The following TENM1 variants were observed in gnomAD, a reference collection of about 807,000 sequenced individuals.
TENM1 encodes teneurin transmembrane protein 1.
A neutral mutation model predicts 174.8 loss-of-function variants in TENM1; 35 were observed. The observed-to-expected ratio is 0.20, with a 90% CI of 0.15 to 0.27. The LOEUF is 0.27. Ranked by LOEUF, TENM1 falls within the 10% of genes least tolerant of loss-of-function variation. The pLI, the probability that TENM1 is intolerant of heterozygous loss-of-function variation, is 1.00. For synonymous variants in TENM1, 781 were observed against 798.7 expected, an observed-to-expected ratio of 0.98 and a Z score of 0.37; for missense variants, 1,633 against 2,130.1, an observed-to-expected ratio of 0.77 and a Z score of 4.59.
the TENM1 span, among the ~76,000 whole-genome samples, chrX:125,067,554 A>T: frequency 8.9e-6 from 1 of 111,894 alleles, no homozygotes; most frequent in African/African-American, 3.2e-5. Flanking sequence ...CTTGGGTTCC[A>T]GTTGACCTAT....
intron 11 of TENM1, among the ~76,000 whole-genome samples, chrX:124,583,144 AC>A (rs1409596616): frequency 9.0e-6 from 1 of 111,442 alleles, no homozygotes; most frequent in African/African-American, 3.3e-5. Context: ...ACCTCTGCAG[AC>A]TTAAATGTCC....
chrX:124,427,221 C>T (rs2060729117), intron 23 of TENM1, among the ~76,000 whole-genome samples: 1 of 112,349 alleles, frequency 8.9e-6, no homozygotes, highest in Admixed American at 9.4e-5. Flanking sequence ...GGACAGCACA[C>T]ACCTGGCAGA....
chrX:125,168,031 G>C, the TENM1 span, among the ~76,000 whole-genome samples: 3 of 111,895 alleles, frequency 2.7e-5, no homozygotes, highest in Non-Finnish European at 3.8e-5. Flanking sequence ...GTATGTGTGT[G>C]TGTGTCTGTC....
chrX:125,076,376 T>C, the TENM1 span, among the ~76,000 whole-genome samples: 4 of 111,879 alleles, frequency 3.6e-5, no homozygotes, highest in Non-Finnish European at 5.6e-5. Flanking sequence ...ATGGTAAATA[T>C]CATGGCTTCC....
chrX:124,973,815 G>A, the TENM1 span, among the ~76,000 whole-genome samples: 1 of 111,724 alleles, frequency 9.0e-6, no homozygotes, highest in African/African-American at 3.3e-5. Context: ...GCAGGGACAT[G>A]GATGAAGCTG....
intron 11 of TENM1, among the ~76,000 whole-genome samples, chrX:124,577,329 T>A (rs769671722): frequency 9.0e-6 from 1 of 111,365 alleles, no homozygotes; most frequent in South Asian, 3.8e-4. Context: ...GCTGCCATCA[T>A]AGCCCAACAG....
chrX:125,013,176 T>C, the TENM1 span, among the ~76,000 whole-genome samples: 1 of 110,601 alleles, frequency 9.0e-6, no homozygotes, highest in Non-Finnish European at 1.9e-5. Context: ...CCAAAGCAGC[T>C]CATAACCCTG....
At chrX:124,870,714 A>G (rs1330388364) in intron 3 of TENM1, among the ~76,000 whole-genome samples, 1 of 110,749 alleles carries the variant, frequency 9.0e-6, no homozygotes. Flanking sequence ...TTAAGAAAAA[A>G]TGTAGAAGGA....
At chrX:124,688,654 C>T (rs1251858509) in intron 5 of TENM1, 1 of 117,576 alleles carries the variant, frequency 8.5e-6, no homozygotes, top group Non-Finnish European at 1.8e-5. Flanking sequence ...TCACATACAG[C>T]TTGGGAAACA....
At chrX:124,873,212 C>T (rs1385751368) in intron 3 of TENM1, among the ~76,000 whole-genome samples, 1 of 110,165 alleles carries the variant, frequency 9.1e-6, no homozygotes, top group Admixed American at 9.7e-5. Context: ...AAAGTACAAA[C>T]GGGACAAAAG....
At chrX:125,191,905 G>T in the TENM1 span, among the ~76,000 whole-genome samples, 1 of 111,161 alleles carries the variant, frequency 9.0e-6, no homozygotes, top group Non-Finnish European at 1.9e-5. Context: ...TATAAAAGAG[G>T]TCCAGGGAAT....
chrX:124,729,045 T>C (rs2053505923), intron 4 of TENM1, among the ~76,000 whole-genome samples: 1 of 112,606 alleles, frequency 8.9e-6, no homozygotes, highest in Non-Finnish European at 1.9e-5. Context: ...CATGCATTTC[T>C]GGAATACAGG....
intron 3 of TENM1, among the ~76,000 whole-genome samples, chrX:124,851,099 A>G (rs1473962378): frequency 8.9e-6 from 1 of 112,027 alleles, no homozygotes; most frequent in Non-Finnish European, 1.9e-5. Context: ...ACACATCAAC[A>G]AAACGATCTC....
intron 3 of TENM1, among the ~76,000 whole-genome samples, chrX:124,757,485 G>A (rs1489849024): frequency 1.8e-5 from 2 of 112,384 alleles, no homozygotes; most frequent in Non-Finnish European, 1.9e-5. Context: ...GCTCGCACAC[G>A]GTGCACTGCA....
chrX:124,813,069 A>G (rs1216997517), intron 3 of TENM1, among the ~76,000 whole-genome samples: 1 of 111,316 alleles, frequency 9.0e-6, no homozygotes, highest in Non-Finnish European at 1.9e-5. Context: ...ATAAATGACT[A>G]CTACTTTACT....
intron 25 of TENM1, among the ~76,000 whole-genome samples, chrX:124,417,570 C>T (rs1199891647): frequency 1.8e-5 from 2 of 111,124 alleles, no homozygotes; most frequent in Non-Finnish European, 3.8e-5. Flanking sequence ...CTCTTTTCTT[C>T]ATTGTCTACA....
intron 3 of TENM1, among the ~76,000 whole-genome samples, chrX:124,744,851 G>T (rs2053879153): frequency 9.0e-6 from 1 of 111,350 alleles, no homozygotes; most frequent in East Asian, 2.8e-4. Flanking sequence ...GTTATAAATG[G>T]TCACCCTGTA....
At chrX:124,510,244 C>T (rs1377540945) in intron 18 of TENM1, among the ~76,000 whole-genome samples, 1 of 112,731 alleles carries the variant, frequency 8.9e-6, no homozygotes, top group Non-Finnish European at 1.9e-5. Flanking sequence ...TAGTAAATGG[C>T]AAAGCCAGAG....
chrX:124,854,927 T>A (rs1260031819), intron 3 of TENM1, among the ~76,000 whole-genome samples: 4 of 111,737 alleles, frequency 3.6e-5, no homozygotes, highest in Non-Finnish European at 7.5e-5. Flanking sequence ...AAATGTAAAA[T>A]TGAATTGGAT....
Sources: gnomAD v4.1 joint callset for allele counts (sites outside exome capture counted in the v4.1 genomes callset) on GRCh38, gnomAD v4.1.1 for gene constraint, MANE v1.5 for transcripts, NCBI Gene and HGNC (gene_info 2026-07-23, HGNC 2026-07-21) for gene names.